The following DBX2 variants were observed in gnomAD, a reference collection of about 807,000 sequenced individuals.
The protein encoded by DBX2 is homeobox protein DBX2.
A neutral mutation model predicts 17.7 loss-of-function variants in DBX2; 16 were observed. That is an observed-to-expected ratio of 0.90 (90% CI 0.61 to 1.37). The LOEUF (loss-of-function observed/expected upper bound fraction) is 1.37. DBX2 is among the 40% of genes most tolerant of loss of function. The probability of loss-of-function intolerance (pLI) is 0.00; values close to 1 mark genes in which losing one functional copy is unlikely to be tolerated. For missense variants in DBX2, 538 were observed against 433.8 expected, an observed-to-expected ratio of 1.24 and a Z score of -2.13; for synonymous variants, 255 against 183.8, an observed-to-expected ratio of 1.39 and a Z score of -3.13.
chr12:45,041,376 A>G (rs1370932591), intron 1 of DBX2, among the ~76,000 whole-genome samples: 1 of 152,064 alleles, frequency 6.6e-6, no homozygotes, highest in East Asian at 1.9e-4. Flanking sequence ...TCTAGGGTGG[A>G]GGGCACCCAA....
intron 3 of DBX2, among the ~76,000 whole-genome samples, chr12:45,020,340 T>C (rs1946345223): frequency 6.6e-6 from 1 of 152,152 alleles, no homozygotes; most frequent in Non-Finnish European, 1.5e-5. Flanking sequence ...ATTTTCAAGG[T>C]TCATCCATAT....
chr12:45,043,935 G>T (rs1181637525), intron 1 of DBX2, among the ~76,000 whole-genome samples: 1 of 152,158 alleles, frequency 6.6e-6, no homozygotes, highest in Non-Finnish European at 1.5e-5. Context: ...GAGAGGCTCT[G>T]TGAGGTTATA....
At chr12:45,039,653 C>T (rs1946460863) in intron 1 of DBX2, among the ~76,000 whole-genome samples, 2 of 151,942 alleles carry the variant, frequency 1.3e-5, no homozygotes, top group Non-Finnish European at 2.9e-5. Context: ...ACAAATTTAA[C>T]ACATGCTAAC....
At chr12:45,021,886 T>A in intron 3 of DBX2, among the ~76,000 whole-genome samples, 1 of 38,602 alleles carries the variant, frequency 2.6e-5, no homozygotes, top group South Asian at 2.8e-3. Context: ...TTTATCAAAC[T>A]TTTTATGAGC....
At position 45,050,956 on chromosome 12, in the gene DBX2, C is replaced by T. The variant is rs1018342031; in HGVS notation, c.-29G>A. The T allele has an allele frequency of 4.3e-6, 6 of 1,398,216 alleles. No homozygotes were observed. The highest frequency in any genetic ancestry group is 1.5e-5 in the African/African-American group (1 of 65,890). 86.6% of individuals were successfully genotyped at this position (1,398,216 alleles called of 1,614,324 possible). ...GCGGCGCCAACCGGTCTGCTGCGCG[C>T]CCGCCTTGCGCCCGCCTGTCGCCCG... On this transcript the variant is annotated 5_prime_UTR_variant, in exon 1 of 4. Transcript: ENST00000332700.
chr12:45,026,973 CT>C (rs144088577), intron 2 of DBX2, among the ~76,000 whole-genome samples: 3,854 of 152,280 alleles, frequency 0.025, 183 homozygotes, highest in African/African-American at 0.087. Flanking sequence ...ACTAGATTCA[CT>C]ATTCTTTATC....
chr12:45,024,545 T>G (rs1389303222), intron 2 of DBX2, among the ~76,000 whole-genome samples: 1 of 152,214 alleles, frequency 6.6e-6, no homozygotes, highest in Non-Finnish European at 1.5e-5. Context: ...GATTAAGTAG[T>G]AGGTGGTTTA....
chr12:45,027,562 G>GGAC (rs1946387867), intron 2 of DBX2, among the ~76,000 whole-genome samples: 2 of 152,102 alleles, frequency 1.3e-5, no homozygotes, highest in African/African-American at 2.4e-5. Context: ...TTAAAGATGA[G>GGAC]GACGATGAAG....
Position 45,037,181 on chromosome 12 carries a change from G to A in DBX2, c.404-1067C>T, listed in dbSNP as rs112595972. Among the ~76,000 whole-genome samples, 776 of 152,212 alleles carry A rather than the reference G, an allele frequency of 5.1e-3. 7 individuals are homozygous for A. The highest frequency in any genetic ancestry group is 0.017 in the African/African-American group (726 of 41,544). ...AGAACAGCTATAAAGGATAAAACAT[G>A]AATAATAACTCTCCATTATTGAGCA... On this transcript the variant is annotated intron_variant, in intron 1 of 3. Transcript: ENST00000332700.
chr12:45,018,969 G>A (rs942855479), intron 3 of DBX2, among the ~76,000 whole-genome samples: 3 of 151,876 alleles, frequency 2.0e-5, no homozygotes, highest in African/African-American at 4.8e-5. Context: ...GTAGAATAGT[G>A]GGTGCCAGGA....
At chr12:45,024,729 AC>A (rs1357005315) in intron 2 of DBX2, among the ~76,000 whole-genome samples, 1 of 152,230 alleles carries the variant, frequency 6.6e-6, no homozygotes, top group Non-Finnish European at 1.5e-5. Flanking sequence ...CATTTATTGA[AC>A]TAGCATCACA....
rs1036795273 is a variant in DBX2, at chr12:45,028,223, C to T, written c.500-4329G>A. ...GAACACAGGAGAAAAGCTGGAAACA[C>T]AGATTAGGGCCAAGGGTGTCTGAAA... On this transcript the variant is annotated intron_variant, in intron 2 of 3. Coordinates refer to ENST00000332700, the MANE Select transcript of DBX2 (RefSeq NM_001004329.3). Among the ~76,000 whole-genome samples the T allele has an allele frequency of 6.6e-5, 10 of 152,288 alleles. No homozygotes were observed. In the South Asian group the frequency reaches 1.5e-3, roughly 22 times the overall value.
chr12:45,034,764 T>C (rs1946427311), intron 2 of DBX2, among the ~76,000 whole-genome samples: 1 of 152,202 alleles, frequency 6.6e-6, no homozygotes, highest in African/African-American at 2.4e-5. Flanking sequence ...GTGCTTTAAA[T>C]GGTGTCCAGA....
chr12:45,028,242 T>C (rs1355252890), intron 2 of DBX2, among the ~76,000 whole-genome samples: 1 of 152,140 alleles, frequency 6.6e-6, no homozygotes, highest in African/African-American at 2.4e-5. Context: ...GCCAAGGGTG[T>C]CTGAAACAAG....
Position 45,050,790 on chromosome 12 carries a change from G to A in DBX2, c.138C>T (p.Val46=). ...KSFLIENLLR[V]GGAPTPRLQP... ...GCAGCCTGGGCGTTGGGGCGCCCCC[G>A]ACCCGCAGCAAATTCTCGATCAGGA... The change falls in exon 1 of 4, where the codon GTC becomes GTT. Residue 46 remains valine (V), a synonymous_variant. Transcript: ENST00000332700. The A allele has an allele frequency of 6.6e-7, 1 of 1,520,310 alleles. No individual in the cohort carries two copies. The highest frequency in any genetic ancestry group is 1.2e-5 in the South Asian group (1 of 80,908). The allele number at this position is 1,520,310 out of a possible 1,614,324, so 94.2% of individuals were successfully genotyped here.
rs1000751143 is a variant in DBX2 at position 45,050,955 on chromosome 12, G to T, written c.-28C>A. ...TGCGGCGCCAACCGGTCTGCTGCGC[G>T]CCCGCCTTGCGCCCGCCTGTCGCCC... is the stretch of plus-strand genomic sequence containing the variant. On this transcript the variant is annotated 5_prime_UTR_variant, in exon 1 of 4. Transcript: ENST00000332700. 1 of 1,397,670 alleles carries T rather than the reference G, an allele frequency of 7.2e-7. No homozygotes were observed. The highest frequency in any genetic ancestry group is 9.3e-7 in the Non-Finnish European group (1 of 1,075,794). 86.6% of individuals were successfully genotyped at this position (1,397,670 alleles called of 1,614,324 possible).
intron 1 of DBX2, among the ~76,000 whole-genome samples, chr12:45,039,277 GTATATATATATATATATATATATATATA>G (rs58371508): frequency 0.14 from 13,010 of 90,542 alleles, 1,645 homozygotes; most frequent in East Asian, 0.47. Context: ...TGCATTGAAG[GTATATATATATATATATATATATATATA>G]TATATATATA....
chr12:45,046,889 T>G (rs1158484624), intron 1 of DBX2, among the ~76,000 whole-genome samples: 1 of 152,216 alleles, frequency 6.6e-6, no homozygotes, highest in Non-Finnish European at 1.5e-5. Flanking sequence ...AAACTACTTT[T>G]TAAAACAGCA....
At chr12:45,031,570 A>T (rs113470055) in intron 2 of DBX2, among the ~76,000 whole-genome samples, 1,549 of 152,052 alleles carry the variant, frequency 0.01, 31 homozygotes, top group African/African-American at 0.035. Flanking sequence ...AAAATATTCA[A>T]TTTTTTTCCC....
Sources: gnomAD v4.1 joint callset for allele counts (sites outside exome capture counted in the v4.1 genomes callset) on GRCh38, gnomAD v4.1.1 for gene constraint, MANE v1.5 for transcripts, NCBI Gene and HGNC (gene_info 2026-07-23, HGNC 2026-07-21) for gene names.